Variants in JMY observed in about 807,000 individuals in gnomAD.
JMY encodes the protein junction-mediating and -regulatory protein.
JMY carries 46 observed loss-of-function variants against 103.3 expected under a neutral mutation model. That is an observed-to-expected ratio of 0.45 (90% CI 0.35 to 0.57). The LOEUF (loss-of-function observed/expected upper bound fraction) is 0.57, where lower values mean the gene tolerates loss of function less well. Ranked by LOEUF, JMY falls within the 20% of genes least tolerant of loss-of-function variation. JMY has a pLI of 0.00. For synonymous variants in JMY, 526 were observed against 489.3 expected (o/e 1.07, Z -0.99); for missense variants, 1,238 against 1,255.2 (o/e 0.99, Z 0.21).
intron 7 of JMY, among the ~76,000 whole-genome samples, chr5:79,308,889 G>A: frequency 6.6e-6 from 1 of 151,920 alleles, no homozygotes; most frequent in South Asian, 2.1e-4. Flanking sequence ...TAAAGATCTT[G>A]TACACCTTTT....
chr5:79,260,680 C>G (rs933755115), intron 1 of JMY, among the ~76,000 whole-genome samples: 1 of 151,924 alleles, frequency 6.6e-6, no homozygotes, highest in Non-Finnish European at 1.5e-5. Flanking sequence ...CATGAGCGAC[C>G]ACACCTGGCC....
At chr5:79,306,665 G>C (rs1453858434) in intron 7 of JMY, among the ~76,000 whole-genome samples, 1 of 152,016 alleles carries the variant, frequency 6.6e-6, no homozygotes, top group East Asian at 1.9e-4. Flanking sequence ...CTCCCCTACC[G>C]TCAACATCTC....
intron 1 of JMY, among the ~76,000 whole-genome samples, chr5:79,245,108 A>G (rs1019326449): frequency 1.3e-5 from 2 of 152,166 alleles, no homozygotes; most frequent in African/African-American, 4.8e-5. Context: ...AAGGTTCTAT[A>G]AAATGGGCTG....
chr5:79,238,648 CTTTT>C (rs1055172051), intron 1 of JMY, among the ~76,000 whole-genome samples: 5 of 120,682 alleles, frequency 4.1e-5, no homozygotes, highest in South Asian at 2.9e-4. Flanking sequence ...TCCGCGCCTT[CTTTT>C]TTTTTTTTTT....
chr5:79,249,917 T>G (rs1580329145), intron 1 of JMY, among the ~76,000 whole-genome samples: 1 of 152,146 alleles, frequency 6.6e-6, no homozygotes, highest in South Asian at 2.1e-4. Flanking sequence ...AGCTTAACTC[T>G]TGGTAGTAAC....
At position 79,285,005 on chromosome 5, in the gene JMY, C is replaced by T. The variant is rs902437589; in HGVS notation, c.1207-5116C>T. 3.5e-6 allele frequency: 3 copies of T among 862,980 alleles called. No homozygotes were observed. The African/African-American group carries it at 5.1e-5, about 15-fold the overall frequency. 53.5% of individuals were successfully genotyped at this position (862,980 alleles called of 1,614,324 possible). On this transcript the variant is annotated intron_variant, in intron 2 of 10. Coordinates refer to ENST00000396137, the MANE Select transcript of JMY (RefSeq NM_152405.5). ...TAGACGAACCTCTAGATTTTTAAAT[C>T]CAGTGTCTTTAATGAGTCAGAGCCA... is the stretch of plus-strand genomic sequence containing the variant.
At position 79,300,900 on chromosome 5, in the gene JMY, T is replaced by A. The variant is rs1746715626; in HGVS notation, c.1881+37T>A. 8.6e-6 allele frequency: 13 copies of A among 1,508,824 alleles called. No individual in the cohort carries two copies. In the East Asian group the frequency reaches 3.0e-4, roughly 35 times the overall value. 93.5% of individuals were successfully genotyped at this position (1,508,824 alleles called of 1,614,324 possible). A position where few individuals can be genotyped will look rare whatever the true frequency, so the allele number is the denominator to read the frequency against. On this transcript the variant is annotated intron_variant, in intron 6 of 10. Coordinates refer to ENST00000396137, the MANE Select transcript of JMY (RefSeq NM_152405.5). The stretch of plus-strand genomic sequence containing the variant: ...TTGCTTTTGTTCATTATTTAGTCTT[T>A]TATCCGTATCTACTAATCTCATCTG...
chr5:79,322,239 C>T lies in JMY; in HGVS notation c.*637C>T, dbSNP rs1426483553. The T allele has an allele frequency of 1.3e-5, 2 of 152,174 alleles. No homozygotes were observed. The highest frequency in any genetic ancestry group is 3.8e-4 in the East Asian group (2 of 5,202). 9.4% of individuals were successfully genotyped at this position (152,174 alleles called of 1,614,324 possible). On this transcript the variant is annotated 3_prime_UTR_variant, in exon 11 of 11. Coordinates refer to ENST00000396137, the MANE Select transcript of JMY (RefSeq NM_152405.5). ...CTATTAATATGTTCACAACATGATA[C>T]ATTTAACATGGCATATTTTTAGGAG...
At chr5:79,264,531 C>T (rs1402174115) in intron 1 of JMY, among the ~76,000 whole-genome samples, 1 of 152,084 alleles carries the variant, frequency 6.6e-6, no homozygotes. Flanking sequence ...GTGTGAGCCA[C>T]TGCGCCTGGC....
In JMY at chr5:79,272,709, C is replaced by T. The variant is rs138659076; in HGVS notation, c.1033-5201C>T. Among the ~76,000 whole-genome samples, 788 of 152,330 alleles carry T rather than the reference C, an allele frequency of 5.2e-3. 9 individuals are homozygous for T. The highest frequency in any genetic ancestry group is 0.018 in the African/African-American group (760 of 41,562). On this transcript the variant is annotated intron_variant, in intron 1 of 10. Coordinates refer to ENST00000396137, the MANE Select transcript of JMY (RefSeq NM_152405.5). ...AGTGCAGTGGCTCAGTCATAGCTCA[C>T]TGCAGCCTCAAACTCGTGAGTTCAA...
At chr5:79,314,008 G>T (rs1280167731) in intron 8 of JMY, among the ~76,000 whole-genome samples, 1 of 152,138 alleles carries the variant, frequency 6.6e-6, no homozygotes, top group African/African-American at 2.4e-5. Flanking sequence ...ACAGGTGCCT[G>T]CCACCACACC....
chr5:79,311,873 G>T (rs1291510987), intron 7 of JMY, among the ~76,000 whole-genome samples: 1 of 152,144 alleles, frequency 6.6e-6, no homozygotes, highest in Non-Finnish European at 1.5e-5. Context: ...CTGGAGTACA[G>T]TGGCACTATC....
intron 9 of JMY, 132 bp downstream of exon 9, chr5:79,314,983 TCA>T (rs1301320410): frequency 2.2e-5 from 18 of 800,776 alleles, no homozygotes; most frequent in African/African-American, 1.7e-4. Context: ...GTTTTCAAAG[TCA>T]CACTAGAGGA....
Position 79,265,903 on chromosome 5 carries a change from C to T in JMY, c.1033-12007C>T, listed in dbSNP as rs1421668736. On this transcript the variant is annotated intron_variant, in intron 1 of 10. Coordinates refer to ENST00000396137, the MANE Select transcript of JMY (RefSeq NM_152405.5). ...TCAAGTGATTCTTCTGCTTCAGCCT[C>T]CCGAGTAGCTGGGATTACTGGCATA... Among the ~76,000 whole-genome samples the T allele has an allele frequency of 2.0e-5, 3 of 151,882 alleles. No individual in the cohort carries two copies. In the East Asian group the frequency reaches 5.8e-4, roughly 29 times the overall value.
At chr5:79,287,138 A>G (rs1746292852) in intron 2 of JMY, among the ~76,000 whole-genome samples, 1 of 152,072 alleles carries the variant, frequency 6.6e-6, no homozygotes, top group Admixed American at 6.5e-5. Context: ...GGGTTGAAAA[A>G]ACTGCAAATT....
chr5:79,250,225 A>G (rs1287896295), intron 1 of JMY, among the ~76,000 whole-genome samples: 2 of 152,014 alleles, frequency 1.3e-5, no homozygotes, highest in African/African-American at 4.8e-5. Context: ...ACAATGTCAA[A>G]ACAACAAGAA....
chr5:79,246,415 G>A (rs1373444567), intron 1 of JMY, among the ~76,000 whole-genome samples: 2 of 152,126 alleles, frequency 1.3e-5, no homozygotes, highest in African/African-American at 2.4e-5. Context: ...AGATCTTTGT[G>A]TACATTATCT....
rs1747675024 is a variant in JMY, at chr5:79,327,113, A to G, written c.*5511A>G. 1 of 152,132 alleles carries G rather than the reference A, an allele frequency of 6.6e-6. No homozygotes were observed. The highest frequency in any genetic ancestry group is 2.1e-4 in the South Asian group (1 of 4,828). The allele number at this position is 152,132 out of a possible 1,614,324, so 9.4% of individuals were successfully genotyped here. On this transcript the variant is annotated 3_prime_UTR_variant, in exon 11 of 11. Transcript: ENST00000396137. Reference sequence around the variant, plus strand: ...TACTTGTACACCAAGTATTGCAATCACCTTTCTCTTGTTGTACATGCAATG... The same window carrying G: ...TACTTGTACACCAAGTATTGCAATCGCCTTTCTCTTGTTGTACATGCAATG...
At chr5:79,261,774 A>G (rs544373508) in intron 1 of JMY, among the ~76,000 whole-genome samples, 39 of 152,056 alleles carry the variant, frequency 2.6e-4, no homozygotes, top group African/African-American at 9.2e-4. Context: ...ACAGGCGTGC[A>G]CTACCATGCC....
Sources: allele counts gnomAD v4.1 joint callset (sites outside exome capture counted in the v4.1 genomes callset), GRCh38; gene constraint gnomAD v4.1.1; transcripts MANE v1.5; gene names NCBI Gene and HGNC (gene_info 2026-07-23, HGNC 2026-07-21).